Variants in DLEC1 observed in about 807,000 individuals in gnomAD.
The protein encoded by DLEC1 is DLEC1 cilia and flagella associated protein, also known as deleted in lung and esophageal cancer protein 1.
DLEC1 carries 146 observed loss-of-function variants against 198.1 expected under a neutral mutation model. That is an observed-to-expected ratio of 0.74 (90% CI 0.64 to 0.85). The LOEUF (loss-of-function observed/expected upper bound fraction) is 0.85. Among genes scored for constraint, DLEC1 ranks in the 40% least tolerant of loss-of-function variants. The pLI is 0.00. For missense variants in DLEC1, 2,233 were observed against 2,220.0 expected (o/e 1.01, Z -0.12); for synonymous variants, 897 against 866.8 (o/e 1.03, Z -0.61).
At chr3:38,122,021 A>G (rs1344566951) in intron 35 of DLEC1, 50 bp from the exon 36 acceptor site, 1 of 1,601,960 alleles carries the variant, frequency 6.2e-7, no homozygotes, top group South Asian at 1.1e-5. Context: ...TTCCTGTGGG[A>G]GTACATGGGG....
Position 38,108,504 on chromosome 3 carries a change from G to A in DLEC1, c.3118G>A (p.Ala1040Thr), listed in dbSNP as rs528443591. The change falls in exon 21 of 37, where the codon GCT becomes ACT. Residue 1040 changes from alanine (A) to threonine (T), a missense_variant. Coordinates refer to ENST00000308059, the MANE Select transcript of DLEC1 (RefSeq NM_007335.4). ...GTGCCAGCTCAAGTTGGAGTTGACTGCTCATACCCAGGTGAGTAAGGCAAT... is the reference window on the plus strand; with the variant it reads ...GTGCCAGCTCAAGTTGGAGTTGACTACTCATACCCAGGTGAGTAAGGCAAT... ...EECQLKLELT[A>T]HTQEELTHLA... The A allele has an allele frequency of 1.8e-5, 29 of 1,613,944 alleles. No homozygotes were observed. In the Admixed American group the frequency reaches 4.0e-4, roughly 22 times the overall value.
At chr3:38,120,740 A>G in intron 34 of DLEC1, 131 bp downstream of exon 34, 1 of 1,269,724 alleles carries the variant, frequency 7.9e-7, no homozygotes. Context: ...CCTGGGGCTC[A>G]GTCTCCCCTA....
At chr3:38,117,742 G>A in intron 32 of DLEC1, 64 bp from the exon 33 acceptor site, 1 of 1,396,546 alleles carries the variant, frequency 7.2e-7, no homozygotes, top group Non-Finnish European at 1.0e-6. Flanking sequence ...CCCTACCCTA[G>A]AGCCATGGGG....
intron 6 of DLEC1, among the ~76,000 whole-genome samples, chr3:38,064,301 C>A (rs1168924838): frequency 6.6e-6 from 1 of 152,146 alleles, no homozygotes; most frequent in Admixed American, 6.5e-5. Flanking sequence ...GGACAGAGCA[C>A]ATGTTTCAGA....
At chr3:38,053,113 G>A (rs964724663) in intron 2 of DLEC1, among the ~76,000 whole-genome samples, 1 of 152,232 alleles carries the variant, frequency 6.6e-6, no homozygotes, top group Non-Finnish European at 1.5e-5. Context: ...CCAGGCTGGA[G>A]TGCAGTGGCG....
chr3:38,050,098 T>G (rs1317811866), intron 2 of DLEC1, among the ~76,000 whole-genome samples: 1 of 151,882 alleles, frequency 6.6e-6, no homozygotes, highest in Non-Finnish European at 1.5e-5. Context: ...AGACAGGGTC[T>G]CGCTTCATCA....
At chr3:38,067,556 T>C (rs978833738) in intron 6 of DLEC1, among the ~76,000 whole-genome samples, 1 of 152,158 alleles carries the variant, frequency 6.6e-6, no homozygotes, top group Admixed American at 6.5e-5. Context: ...CTGAGGCCAT[T>C]GCTGGAAAGA....
chr3:38,122,192 CA>C lies in DLEC1; in HGVS notation c.5143del (p.Arg1715GlyfsTer106), dbSNP rs1474306943. 13 of 1,613,854 alleles carry C rather than the reference CA, an allele frequency of 8.1e-6. 1 individual carries two copies. Among genetic ancestry groups the C allele is most frequent in the Middle Eastern group, 1.7e-4 (1 of 6,060 alleles). ...TCGCCTTGCAGGTTTTCTTCACTGC[CA>C]GGTGCAGCCCCTTCCAACCTTCCCC... The part of the protein sequence containing the change: ...SIALQVFFTA[R>X]SSELYESTMV... On this transcript the variant is annotated frameshift_variant and splice_region_variant, in exon 36 of 37. Transcript: ENST00000308059. LOFTEE classifies it low-confidence loss of function (END_TRUNC).
chr3:38,123,062 T>G lies in DLEC1; in HGVS notation c.*650T>G. ...GGGACCTCACTCAGTTCCCAGGGTA[T>G]TCAAAGACGGCAGCGGCTCCCATTC... On this transcript the variant is annotated 3_prime_UTR_variant, in exon 37 of 37. Transcript: ENST00000308059. 1.9e-6 allele frequency: 3 copies of G among 1,614,144 alleles called. No individual in the cohort carries two copies. Among genetic ancestry groups the G allele is most frequent in the Non-Finnish European group, 2.5e-6 (3 of 1,180,016 alleles).
At position 38,096,756 on chromosome 3, in the gene DLEC1, C is replaced by T; in HGVS notation, c.2340+19C>T. On this transcript the variant is annotated intron_variant, in intron 15 of 36. Transcript: ENST00000308059. ...TTTTAAGGTAGGTCATTGTCTCTCC[C>T]CTGCCTAGGCTGGCCGAGGCAGTGT... The T allele has an allele frequency of 6.3e-7, 1 of 1,589,044 alleles. No individual in the cohort carries two copies. Among genetic ancestry groups the T allele is most frequent in the Non-Finnish European group, 8.6e-7 (1 of 1,167,760 alleles).
chr3:38,086,248 G>T lies in DLEC1; in HGVS notation c.1443G>T (p.Pro481=). The change falls in exon 9 of 37, where the codon CCG becomes CCT. Residue 481 remains proline (P), a synonymous_variant. Transcript: ENST00000308059. ...GTTCTCCTGTGGCTACAGTGTCACC[G>T]GTGTTGGACTGTGGTTACTGCCTCA... ...RRPPPVLTLS[P]VLDCGYCLIG... 1 of 1,608,836 alleles carries T rather than the reference G, an allele frequency of 6.2e-7. No individual in the cohort carries two copies. Among genetic ancestry groups the T allele is most frequent in the Admixed American group, 1.7e-5 (1 of 58,988 alleles).
At chr3:38,118,072 T>C (rs750536073) in intron 33 of DLEC1, 48 bp downstream of exon 33, 2 of 1,547,592 alleles carry the variant, frequency 1.3e-6, no homozygotes, top group Non-Finnish European at 1.7e-6. Context: ...CACCCTCACA[T>C]GTGTACAGAC....
chr3:38,122,458 C>T lies in DLEC1; in HGVS notation c.*46C>T. 1 of 1,614,002 alleles carries T rather than the reference C, an allele frequency of 6.2e-7. No homozygotes were observed. The highest frequency in any genetic ancestry group is 2.2e-5 in the East Asian group (1 of 44,886). On this transcript the variant is annotated 3_prime_UTR_variant, in exon 37 of 37. Transcript: ENST00000308059. ...CCCCAGGCCCCAGCTGGAGAAAAAA[C>T]ATTGCCCAGGGATTAGGAGCAGCTC...
In DLEC1 at chr3:38,079,786, G is replaced by T. The variant is rs191091127; in HGVS notation, c.1174-4372G>T. ...TCTGGAGGAATGCCTGGCTGCTGCG[G>T]TTCAGGCGTTTGGAAGTTCTCGTGT... is the stretch of plus-strand genomic sequence containing the variant. On this transcript the variant is annotated intron_variant, in intron 6 of 36. Transcript: ENST00000308059. Among the ~76,000 whole-genome samples the T allele has an allele frequency of 4.8e-3, 732 of 152,336 alleles. 9 individuals are homozygous for T. Among genetic ancestry groups the T allele is most frequent in the African/African-American group, 0.017 (705 of 41,570 alleles).
At position 38,122,956 on chromosome 3, in the gene DLEC1, T is replaced by G; in HGVS notation, c.*544T>G. 7.4e-7 allele frequency: 1 copy of G among 1,349,300 alleles called. No homozygotes were observed. Among genetic ancestry groups the G allele is most frequent in the Non-Finnish European group, 1.1e-6 (1 of 949,562 alleles). The allele number at this position is 1,349,300 out of a possible 1,614,324, so 83.6% of individuals were successfully genotyped here. A position where few individuals can be genotyped will look rare whatever the true frequency, so the allele number is the denominator to read the frequency against. On this transcript the variant is annotated 3_prime_UTR_variant, in exon 37 of 37. Transcript: ENST00000308059. ...CACTGCCACCACCACCAGTGCTGAG[T>G]TTTCCCATGTGGTTTTGCTTTTGTG... is the stretch of plus-strand genomic sequence containing the variant.
At position 38,096,658 on chromosome 3, in the gene DLEC1, T is replaced by C. The variant is rs139666203; in HGVS notation, c.2261T>C (p.Phe754Ser). Residue 754 changes from phenylalanine to serine, a missense_variant, in exon 15 of 37, where the codon TTC becomes TCC. By Grantham distance (155) the Phe-to-Ser change is radical. Transcript: ENST00000308059. ...GAGGTGAAAGGCTCAGTAGAACCTT[T>C]CCAGGTTCTCTTAGAGCCATATGCC... is the stretch of plus-strand genomic sequence containing the variant. Reference protein sequence around the residue: ...EIEVKGSVEPFQVLLEPYALI... With the variant: ...EIEVKGSVEPSQVLLEPYALI... 1.5e-4 allele frequency: 235 copies of C among 1,613,308 alleles called. 1 individual carries two copies. In the African/African-American group the frequency reaches 2.4e-3, roughly 16 times the overall value.
Position 38,080,306 on chromosome 3 carries a change from C to T in DLEC1, c.1174-3852C>T, listed in dbSNP as rs942590355. On this transcript the variant is annotated intron_variant, in intron 6 of 36. Transcript: ENST00000308059. ...AGCAGAGGCTGAAGAAGAATTGGGA[C>T]CTAGCTTGGCCTGGTGAGGAGGGGA... 4.0e-5 allele frequency among the ~76,000 whole-genome samples: 6 copies of T among 151,836 alleles called. No individual in the cohort carries two copies. The South Asian group carries it at 1.2e-3, about 32-fold the overall frequency.
Position 38,117,986 on chromosome 3 carries a change from G to A in DLEC1, c.4666G>A (p.Asp1556Asn). Residue 1556 changes from aspartate (D) to asparagine (N), a missense_variant, in exon 33 of 37, where the codon GAC (aspartate) becomes AAC (asparagine). Coordinates refer to ENST00000308059, the MANE Select transcript of DLEC1 (RefSeq NM_007335.4). ...QECEEETASA[D>N]KQLVLQAQEN... is the part of the protein sequence containing the mutation. Reference sequence around the variant, plus strand: ...GTGTGAGGAGGAGACAGCCTCAGCGGACAAGCAGCTGGTGCTCCAAGCACA... The same window carrying A: ...GTGTGAGGAGGAGACAGCCTCAGCGAACAAGCAGCTGGTGCTCCAAGCACA... The A allele has an allele frequency of 6.2e-7, 1 of 1,612,680 alleles. No homozygotes were observed. The highest frequency in any genetic ancestry group is 8.5e-7 in the Non-Finnish European group (1 of 1,179,368).
intron 19 of DLEC1, among the ~76,000 whole-genome samples, chr3:38,106,355 T>C (rs535213062): frequency 6.6e-6 from 1 of 152,318 alleles, no homozygotes; most frequent in Non-Finnish European, 1.5e-5. Context: ...GCCTAAAATC[T>C]GTAGGGCAGG....
Sources: gnomAD v4.1 joint callset for allele counts (sites outside exome capture counted in the v4.1 genomes callset) on GRCh38, gnomAD v4.1.1 for gene constraint, MANE v1.5 for transcripts, NCBI Gene and HGNC (gene_info 2026-07-23, HGNC 2026-07-21) for gene names.